PPFIA2: variants seen among roughly 807,000 people sequenced by gnomAD.
The protein encoded by PPFIA2 is PPFI scaffold protein A2.
Under a neutral mutation model 175.5 loss-of-function variants are expected in PPFIA2, and 46 were observed. The ratio of observed to expected loss-of-function variants is 0.26; its 90% CI spans 0.21 to 0.34. The LOEUF (loss-of-function observed/expected upper bound fraction) is 0.34, where lower values mean the gene tolerates loss of function less well. Ranked by LOEUF, PPFIA2 falls within the 10% of genes least tolerant of loss-of-function variation. The pLI, the probability that PPFIA2 is intolerant of heterozygous loss-of-function variation, is 1.00. For missense variants in PPFIA2, 1,179 were observed against 1,506.1 expected, an observed-to-expected ratio of 0.78 and a Z score of 3.60; for synonymous variants, 568 against 511.4, an observed-to-expected ratio of 1.11 and a Z score of -1.49.
intron 4 of PPFIA2, among the ~76,000 whole-genome samples, chr12:81,638,690 T>C (rs1032466412): frequency 2.0e-4 from 26 of 127,464 alleles, no homozygotes; most frequent in Non-Finnish European, 3.6e-4. Flanking sequence ...TTCTTTTTTT[T>C]TTTTTTTTTT....
intron 4 of PPFIA2, among the ~76,000 whole-genome samples, chr12:81,607,001 G>T (rs1567549654): frequency 1.3e-5 from 2 of 151,962 alleles, no homozygotes; most frequent in South Asian, 2.1e-4. Flanking sequence ...AAGGTGGGAG[G>T]TAGGGGCCCA....
At chr12:81,596,499 G>T (rs1022107897) in intron 4 of PPFIA2, among the ~76,000 whole-genome samples, 1 of 151,968 alleles carries the variant, frequency 6.6e-6, no homozygotes, top group Non-Finnish European at 1.5e-5. Context: ...ACAAAAAGGG[G>T]GTAGTTAAAA....
At chr12:81,433,818 A>G (rs1350748257) in intron 7 of PPFIA2, among the ~76,000 whole-genome samples, 1 of 152,218 alleles carries the variant, frequency 6.6e-6, no homozygotes, top group African/African-American at 2.4e-5. Context: ...ATTTCTCAGT[A>G]AACTAACTAC....
chr12:81,321,782 A>G (rs2053707751), intron 22 of PPFIA2, among the ~76,000 whole-genome samples: 1 of 152,336 alleles, frequency 6.6e-6, no homozygotes, highest in East Asian at 1.9e-4. Context: ...ATACTCAAAT[A>G]TAGTCTCTAA....
At chr12:81,302,452 T>C (rs2048089186) in intron 22 of PPFIA2, among the ~76,000 whole-genome samples, 1 of 152,186 alleles carries the variant, frequency 6.6e-6, no homozygotes, top group Non-Finnish European at 1.5e-5. Context: ...AGTTTTATTT[T>C]CTTGGTTTTT....
At chr12:81,696,409 G>A (rs1486743966) in intron 3 of PPFIA2, among the ~76,000 whole-genome samples, 1 of 152,150 alleles carries the variant, frequency 6.6e-6, no homozygotes, top group Non-Finnish European at 1.5e-5. Context: ...CATGAAGAAT[G>A]TGGTAGCATA....
intron 11 of PPFIA2, among the ~76,000 whole-genome samples, chr12:81,371,809 C>T (rs1042598399): frequency 1.4e-4 from 21 of 151,824 alleles, no homozygotes; most frequent in African/African-American, 4.6e-4. Context: ...TGCGTATAAA[C>T]TCGCCAAAGC....
intron 28 of PPFIA2, among the ~76,000 whole-genome samples, chr12:81,269,154 T>G (rs1016490396): frequency 2.0e-5 from 3 of 152,172 alleles, no homozygotes; most frequent in African/African-American, 4.8e-5. Context: ...ATTTATTTTC[T>G]TCAATATCTT....
In PPFIA2 at chr12:81,373,818, C is replaced by T. The variant is rs574965826; in HGVS notation, c.1266+816G>A. The stretch of plus-strand genomic sequence containing the variant: ...GAAGTCCAGATACCTATCATACTCA[C>T]TTATTGTAGTGGCCTTGAAAACTTA... On this transcript the variant is annotated intron_variant, in intron 11 of 32. Coordinates refer to ENST00000549396, the MANE Select transcript of PPFIA2 (RefSeq NM_003625.5). Among the ~76,000 whole-genome samples the T allele has an allele frequency of 5.3e-5, 8 of 152,112 alleles. No individual in the cohort carries two copies. In the South Asian group the frequency reaches 1.7e-3, roughly 32 times the overall value.
In PPFIA2 at chr12:81,293,298, G is replaced by A. The variant is rs111256102; in HGVS notation, c.2925+1537C>T. On this transcript the variant is annotated intron_variant, in intron 24 of 32. Coordinates refer to ENST00000549396, the MANE Select transcript of PPFIA2 (RefSeq NM_003625.5). ...ATTTGGGAGTTTTTGGGAATTTGTC[G>A]TCATGCATGCCTTTTTTGTCACATT... Among the ~76,000 whole-genome samples, 705 of 151,938 alleles carry A rather than the reference G, an allele frequency of 4.6e-3. 1 individual carries two copies. The highest frequency in any genetic ancestry group is 0.015 in the African/African-American group (642 of 41,476).
At position 81,424,523 on chromosome 12, in the gene PPFIA2, A is replaced by T. The variant is rs191791826; in HGVS notation, c.645+15449T>A. Among the ~76,000 whole-genome samples, 659 of 152,322 alleles carry T rather than the reference A, an allele frequency of 4.3e-3. 7 individuals are homozygous for T. Among genetic ancestry groups the T allele is most frequent in the Admixed American group, 0.02 (310 of 15,288 alleles). ...ATTACTTTATTAAGTTCATTAATAA[A>T]TTCCAAACATTCTTTATGTTTTGTG... is the stretch of plus-strand genomic sequence containing the variant. On this transcript the variant is annotated intron_variant, in intron 7 of 32. Coordinates refer to ENST00000549396, the MANE Select transcript of PPFIA2 (RefSeq NM_003625.5).
intron 3 of PPFIA2, among the ~76,000 whole-genome samples, chr12:81,693,524 C>T (rs1472845827): frequency 6.6e-6 from 1 of 152,212 alleles, no homozygotes; most frequent in Non-Finnish European, 1.5e-5. Flanking sequence ...CCTTGTAAAG[C>T]CTGCAGAACT....
chr12:81,263,227 G>A lies in PPFIA2; in HGVS notation c.3715+4C>T. ...TGATAAGCAGCAATGCAAAACTACT[G>A]TACCATCTGTTGTCATTTTTCTTGA... On this transcript the variant is annotated splice_donor_region_variant and intron_variant, in intron 31 of 32. Transcript: ENST00000549396. 1 of 1,601,018 alleles carries A rather than the reference G, an allele frequency of 6.2e-7. No homozygotes were observed. The highest frequency in any genetic ancestry group is 8.5e-7 in the Non-Finnish European group (1 of 1,171,756).
At chr12:81,461,360 C>A (rs2054511919) in intron 4 of PPFIA2, among the ~76,000 whole-genome samples, 1 of 152,082 alleles carries the variant, frequency 6.6e-6, no homozygotes, top group Non-Finnish European at 1.5e-5. Flanking sequence ...ACACTGCCTC[C>A]TTCTGGCTAA....
At chr12:81,347,852 A>C (rs2059329336) in intron 17 of PPFIA2, 82 bp from the exon 18 acceptor site, 1 of 1,523,268 alleles carries the variant, frequency 6.6e-7, no homozygotes, top group Non-Finnish European at 8.8e-7. Context: ...ATTGGAATTC[A>C]CATAATAAAT....
chr12:81,423,138 C>T (rs1421631153), intron 7 of PPFIA2, among the ~76,000 whole-genome samples: 2 of 152,016 alleles, frequency 1.3e-5, no homozygotes, highest in Non-Finnish European at 2.9e-5. Flanking sequence ...AATAAACCAA[C>T]CCAAATATGT....
chr12:81,266,021 C>T (rs1316594135), intron 30 of PPFIA2, among the ~76,000 whole-genome samples: 12 of 152,100 alleles, frequency 7.9e-5, no homozygotes, highest in Admixed American at 7.9e-4. Context: ...TAGCTGAGTT[C>T]AAGACTGTAG....
chr12:81,301,704 T>G (rs7955403), intron 22 of PPFIA2, among the ~76,000 whole-genome samples: 77,577 of 151,960 alleles, frequency 0.51, 20,443 homozygotes, highest in East Asian at 0.87. Context: ...TGCTGTTCTT[T>G]GGAAACAACC....
chr12:81,573,222 A>C (rs752996237), intron 4 of PPFIA2, among the ~76,000 whole-genome samples: 9 of 151,934 alleles, frequency 5.9e-5, no homozygotes, highest in Non-Finnish European at 1.0e-4. Context: ...GGTGGAGGCC[A>C]CAGACTTAAC....
Sources: gnomAD v4.1 joint callset for allele counts (sites outside exome capture counted in the v4.1 genomes callset) on GRCh38, gnomAD v4.1.1 for gene constraint, MANE v1.5 for transcripts, NCBI Gene and HGNC (gene_info 2026-07-23, HGNC 2026-07-21) for gene names.